The following PCDH15 variants were observed in gnomAD, a reference collection of about 807,000 sequenced individuals.
PCDH15 encodes protocadherin-15.
A neutral mutation model predicts 178.5 loss-of-function variants in PCDH15; 129 were observed. That is an observed-to-expected ratio of 0.72 (90% CI 0.63 to 0.84). PCDH15 has a LOEUF of 0.84. Among genes scored for constraint, PCDH15 ranks in the 40% least tolerant of loss-of-function variants. The pLI, the probability that PCDH15 is intolerant of heterozygous loss-of-function variation, is 0.00. For synonymous variants in PCDH15, 800 were observed against 732.0 expected (o/e 1.09, Z -1.50); for missense variants, 2,230 against 2,099.9 (o/e 1.06, Z -1.21).
At chr10:54,700,797 T>C (rs2095299418) in intron 1 of PCDH15, among the ~76,000 whole-genome samples, 1 of 152,070 alleles carries the variant, frequency 6.6e-6, no homozygotes, top group Non-Finnish European at 1.5e-5. Context: ...TATTTTGGGA[T>C]ATAGGCCATG....
chr10:53,970,871 C>A (rs926513363), intron 21 of PCDH15, among the ~76,000 whole-genome samples: 5 of 152,182 alleles, frequency 3.3e-5, no homozygotes, highest in African/African-American at 1.2e-4. Context: ...CAAAGTGGAT[C>A]TGGTACTATT....
At chr10:55,626,722 G>C (rs556775183) in intron 2 of PCDH15, among the ~76,000 whole-genome samples, 1 of 152,144 alleles carries the variant, frequency 6.6e-6, no homozygotes, top group East Asian at 1.9e-4. Context: ...GTAAGAGTTG[G>C]GAACAATTAA....
At chr10:55,049,249 A>G (rs377008911) in intron 2 of PCDH15, among the ~76,000 whole-genome samples, 20 of 151,940 alleles carry the variant, frequency 1.3e-4, no homozygotes, top group East Asian at 1.2e-3. Context: ...AATGGCTTTT[A>G]TACGCAATAG....
chr10:54,016,862 A>C (rs2135239752), intron 20 of PCDH15, among the ~76,000 whole-genome samples: 1 of 152,322 alleles, frequency 6.6e-6, no homozygotes, highest in South Asian at 2.1e-4. Context: ...CAAACCACAC[A>C]TGTATCTATG....
intron 2 of PCDH15, among the ~76,000 whole-genome samples, chr10:55,161,197 C>A (rs749625084): frequency 3.9e-4 from 59 of 152,050 alleles, no homozygotes; most frequent in Non-Finnish European, 5.9e-5. Flanking sequence ...TTATTCTCTG[C>A]AAAAAGTTAT....
chr10:55,251,704 T>A (rs1390106647), intron 1 of PCDH15, among the ~76,000 whole-genome samples: 3 of 152,240 alleles, frequency 2.0e-5, no homozygotes, highest in Non-Finnish European at 4.4e-5. Flanking sequence ...ACAGGTCCAA[T>A]TGTTGAATTG....
chr10:54,828,295 T>C (rs1157802205), intron 3 of PCDH15, among the ~76,000 whole-genome samples: 1 of 151,958 alleles, frequency 6.6e-6, no homozygotes, highest in Non-Finnish European at 1.5e-5. Context: ...GGAAATAAAC[T>C]TCTCTGGGTA....
chr10:55,438,126 C>A (rs550363716), intron 2 of PCDH15, among the ~76,000 whole-genome samples: 84 of 151,770 alleles, frequency 5.5e-4, no homozygotes, highest in Non-Finnish European at 1.0e-3. Context: ...TGAGCCCCTG[C>A]GCCTGGCCTC....
intron 3 of PCDH15, among the ~76,000 whole-genome samples, chr10:54,420,861 T>G (rs1252822227): frequency 6.6e-6 from 1 of 152,106 alleles, no homozygotes; most frequent in African/African-American, 2.4e-5. Context: ...TAAATATTTT[T>G]AAATATTTAA....
chr10:54,279,303 A>T (rs1202667929), intron 8 of PCDH15, among the ~76,000 whole-genome samples: 2 of 151,558 alleles, frequency 1.3e-5, no homozygotes, highest in Non-Finnish European at 3.0e-5. Flanking sequence ...TCACATGAGG[A>T]AATTAAGTAT....
chr10:54,409,861 C>G (rs1262590777), intron 3 of PCDH15, among the ~76,000 whole-genome samples: 1 of 152,098 alleles, frequency 6.6e-6, no homozygotes, highest in Non-Finnish European at 1.5e-5. Context: ...TGCCCTCTCA[C>G]TATGTGCTGC....
chr10:54,069,479 C>T (rs143288928), intron 17 of PCDH15, among the ~76,000 whole-genome samples: 47 of 152,160 alleles, frequency 3.1e-4, no homozygotes, highest in South Asian at 1.2e-3. Context: ...TCATTTCTTA[C>T]TGAATTTTAT....
chr10:54,773,451 G>C (rs1949324950), intron 1 of PCDH15, among the ~76,000 whole-genome samples: 1 of 152,144 alleles, frequency 6.6e-6, no homozygotes, highest in African/African-American at 2.4e-5. Context: ...GGTACAGCTA[G>C]CATTGATGTC....
chr10:53,995,604 T>G, intron 21 of PCDH15, 45 bp downstream of exon 21: 1 of 1,613,442 alleles, frequency 6.2e-7, no homozygotes, highest in Non-Finnish European at 8.5e-7. Flanking sequence ...TGTTAAGGAT[T>G]TTTCTCAGTA....
chr10:53,913,958 T>C (rs564904213), intron 25 of PCDH15, among the ~76,000 whole-genome samples: 2 of 151,788 alleles, frequency 1.3e-5, no homozygotes, highest in South Asian at 2.1e-4. Context: ...GCAAAGGATA[T>C]GAACAGACAC....
At chr10:54,060,603 G>A (rs528606953) in intron 18 of PCDH15, among the ~76,000 whole-genome samples, 15 of 152,092 alleles carry the variant, frequency 9.9e-5, no homozygotes, top group African/African-American at 1.7e-4. Flanking sequence ...TCCATTTTGC[G>A]ATAGCGAAAT....
At chr10:54,227,034 TG>T (rs1312637108) in intron 9 of PCDH15, among the ~76,000 whole-genome samples, 1 of 152,158 alleles carries the variant, frequency 6.6e-6, no homozygotes, top group Non-Finnish European at 1.5e-5. Flanking sequence ...GTCGGGTGTC[TG>T]TAGTTTTTCC....
chr10:55,483,916 A>T (rs189695567), intron 2 of PCDH15, among the ~76,000 whole-genome samples: 12 of 151,856 alleles, frequency 7.9e-5, no homozygotes, highest in Non-Finnish European at 2.9e-5. Context: ...ATGTCCATCA[A>T]TGATTGACTG....
intron 2 of PCDH15, among the ~76,000 whole-genome samples, chr10:55,111,533 A>T (rs1032184719): frequency 1.4e-5 from 2 of 141,118 alleles, no homozygotes; most frequent in African/African-American, 2.9e-5. Context: ...GATACTATTT[A>T]AAAAAAAAAA....
Sources: gnomAD v4.1 joint callset for allele counts (sites outside exome capture counted in the v4.1 genomes callset) on GRCh38, gnomAD v4.1.1 for gene constraint, MANE v1.5 for transcripts, NCBI Gene and HGNC (gene_info 2026-07-23, HGNC 2026-07-21) for gene names.